RBFOX1: variants seen among roughly 807,000 people sequenced by gnomAD.
RBFOX1 encodes the protein RNA binding protein fox-1 homolog 1.
Under a neutral mutation model 57.7 loss-of-function variants are expected in RBFOX1, and 8 were observed. The observed-to-expected ratio is 0.14, with a 90% confidence interval of 0.08 to 0.25. The LOEUF (loss-of-function observed/expected upper bound fraction) is 0.25, where lower values mean the gene tolerates loss of function less well. Ranked by LOEUF, RBFOX1 falls within the 10% of genes least tolerant of loss-of-function variation. RBFOX1 has a pLI of 1.00. For missense variants in RBFOX1, 611 were observed against 548.5 expected (o/e 1.11, Z -1.14); for synonymous variants, 326 against 222.4 (o/e 1.47, Z -4.15).
intron 3 of RBFOX1, among the ~76,000 whole-genome samples, chr16:6,995,132 T>A (rs17141984): frequency 0.037 from 5,680 of 152,256 alleles, 381 homozygotes; most frequent in African/African-American, 0.13. Context: ...CACCTGTAAT[T>A]TAGGCTAATA....
At chr16:6,527,855 C>G (rs2096602684) in intron 2 of RBFOX1, among the ~76,000 whole-genome samples, 6 of 152,126 alleles carry the variant, frequency 3.9e-5, no homozygotes, top group Admixed American at 3.9e-4. Context: ...AGGATAAAGG[C>G]CTCCTTATGC....
At chr16:6,597,006 G>T (rs573662446) in intron 2 of RBFOX1, among the ~76,000 whole-genome samples, 9 of 152,092 alleles carry the variant, frequency 5.9e-5, no homozygotes, top group Non-Finnish European at 1.2e-4. Context: ...GAACTTACTG[G>T]AAAGCTTTCT....
intron 1 of RBFOX1, among the ~76,000 whole-genome samples, chr16:5,350,024 G>A (rs1352507918): frequency 4.6e-5 from 7 of 152,240 alleles, no homozygotes; most frequent in Non-Finnish European, 7.3e-5. Flanking sequence ...TTTCTGTGGT[G>A]TAATTTGGCT....
At chr16:6,677,903 A>T (rs1388164310) in intron 3 of RBFOX1, among the ~76,000 whole-genome samples, 2 of 152,170 alleles carry the variant, frequency 1.3e-5, no homozygotes, top group Non-Finnish European at 2.9e-5. Context: ...ATTTTTGTTT[A>T]TTACTAAAGT....
intron 4 of RBFOX1, among the ~76,000 whole-genome samples, chr16:7,370,789 C>T (rs867321122): frequency 5.9e-5 from 9 of 152,172 alleles, no homozygotes; most frequent in African/African-American, 1.2e-4. Context: ...ATATTTGAAA[C>T]GCATTTTTGC....
chr16:7,042,839 T>G (rs571477591), intron 3 of RBFOX1, among the ~76,000 whole-genome samples: 1 of 152,120 alleles, frequency 6.6e-6, no homozygotes, highest in Non-Finnish European at 1.5e-5. Flanking sequence ...GGCAGGAGAA[T>G]CACTTGAACC....
rs538246158 is a variant in RBFOX1 at position 6,501,766 on chromosome 16, C to A, written c.-63-152837C>A. ...GTGCCAGGCACTGCTTTTCCATATT[C>A]TTTTCTAAACTGCTAAAATGGGTGA... On this transcript the variant is annotated intron_variant, in intron 2 of 15. Transcript: ENST00000550418. Among the ~76,000 whole-genome samples the A allele has an allele frequency of 9.9e-5, 15 of 152,164 alleles. No homozygotes were observed. In the East Asian group the frequency reaches 2.7e-3, roughly 28 times the overall value.
Position 5,947,509 on chromosome 16 carries a change from A to G in RBFOX1, c.351+80174A>G, listed in dbSNP as rs575087522. ...CTGCCAGTTTTTAAAATTTTTAGAGACAGGGGTCTCTGTATGTTGCCTAGG... is the reference window on the plus strand; with the variant it reads ...CTGCCAGTTTTTAAAATTTTTAGAGGCAGGGGTCTCTGTATGTTGCCTAGG... On this transcript the variant is annotated intron_variant, in intron 4 of 19. Coordinates refer to the RBFOX1 transcript ENST00000641259. This position sits in a 1 kb window ranked among gnomAD's most constrained non-coding sequence, Gnocchi z 7.2. 5.4e-4 allele frequency among the ~76,000 whole-genome samples: 82 copies of G among 152,194 alleles called. No individual in the cohort carries two copies. Among genetic ancestry groups the G allele is most frequent in the Non-Finnish European group, 2.1e-4 (14 of 68,004 alleles).
At chr16:6,800,018 C>A (rs186986428) in intron 3 of RBFOX1, among the ~76,000 whole-genome samples, 3 of 152,036 alleles carry the variant, frequency 2.0e-5, no homozygotes, top group Non-Finnish European at 4.4e-5. Flanking sequence ...TAGTTCTGTC[C>A]CTCTGGAGAA....
At chr16:6,442,526 C>T (rs1049808311) in intron 2 of RBFOX1, among the ~76,000 whole-genome samples, 9 of 151,290 alleles carry the variant, frequency 5.9e-5, no homozygotes, top group African/African-American at 1.9e-4. Flanking sequence ...CACTGCACTC[C>T]AGCCTGGGAG....
intron 3 of RBFOX1, among the ~76,000 whole-genome samples, chr16:6,987,625 C>G (rs1473998070): frequency 1.3e-5 from 2 of 152,104 alleles, no homozygotes; most frequent in African/African-American, 2.4e-5. Context: ...AATTTCCATT[C>G]CGTTGAAATA....
rs181362020 is a variant in RBFOX1, at chr16:7,219,982, G to A, written c.27+167884G>A. On this transcript the variant is annotated intron_variant, in intron 4 of 15. Transcript: ENST00000550418. ...TTCAAACCAATTGAATCTGAGTTCA[G>A]TTGGTTTTTGTTAATGTGGTGTATC... 2.6e-3 allele frequency among the ~76,000 whole-genome samples: 396 copies of A among 152,288 alleles called. 1 individual carries two copies. The highest frequency in any genetic ancestry group is 5.0e-3 in the East Asian group (26 of 5,180).
intron 3 of RBFOX1, among the ~76,000 whole-genome samples, chr16:5,647,639 C>T (rs992619044): frequency 6.6e-6 from 1 of 152,096 alleles, no homozygotes; most frequent in African/African-American, 2.4e-5. Context: ...AAGAGTAGAC[C>T]TCAGTAAGTC....
intron 3 of RBFOX1, among the ~76,000 whole-genome samples, chr16:6,863,192 C>T (rs2059316398): frequency 6.6e-6 from 1 of 152,042 alleles, no homozygotes; most frequent in Non-Finnish European, 1.5e-5. Flanking sequence ...GCCTGAATTA[C>T]TTTTTGGAAT....
intron 3 of RBFOX1, among the ~76,000 whole-genome samples, chr16:6,903,064 C>G (rs965822599): frequency 4.6e-5 from 7 of 152,136 alleles, no homozygotes; most frequent in Non-Finnish European, 8.8e-5. Context: ...TTGTGAGCAT[C>G]TGTTGGAGCA....
chr16:7,287,117 G>C (rs1364498140), intron 4 of RBFOX1, among the ~76,000 whole-genome samples: 2 of 152,174 alleles, frequency 1.3e-5, no homozygotes, highest in African/African-American at 4.8e-5. Flanking sequence ...ATAAATATTG[G>C]TGAAGCCAAT....
chr16:6,690,129 C>G (rs1320272085), intron 3 of RBFOX1, among the ~76,000 whole-genome samples: 3 of 152,018 alleles, frequency 2.0e-5, no homozygotes, highest in Middle Eastern at 3.2e-3. Flanking sequence ...AGAAGATGGT[C>G]TTAGATTTCA....
chr16:7,389,147 G>A (rs1318321775), intron 4 of RBFOX1, among the ~76,000 whole-genome samples: 2 of 151,522 alleles, frequency 1.3e-5, no homozygotes, highest in African/African-American at 2.4e-5. Context: ...ATTTTTGGAG[G>A]CAGAGTCTCA....
rs1276163677 is a variant in RBFOX1, at chr16:6,779,739, AT to A, written c.-16+125094del. ...TATATATATTTATATATTTTTATAT[AT>A]TTTTATATATACTTTTATATATTTA... On this transcript the variant is annotated intron_variant, in intron 3 of 15. Transcript: ENST00000550418. 3.6e-5 allele frequency among the ~76,000 whole-genome samples: 2 copies of A among 56,120 alleles called. 1 individual carries two copies. The highest frequency in any genetic ancestry group is 7.4e-5 in the Non-Finnish European group (2 of 26,888). The allele number at this position is 56,120 out of a possible 152,430, so 36.8% of individuals were successfully genotyped here. A position where few individuals can be genotyped will look rare whatever the true frequency, so the allele number is the denominator to read the frequency against.
Sources: allele counts gnomAD v4.1 joint callset (sites outside exome capture counted in the v4.1 genomes callset), GRCh38; gene constraint gnomAD v4.1.1; non-coding constraint Gnocchi (gnomAD v3.1); transcripts MANE v1.5; gene names NCBI Gene and HGNC (gene_info 2026-07-23, HGNC 2026-07-21).